Variants in UGT8 observed in about 807,000 individuals in gnomAD.
UGT8 encodes 2-hydroxyacylsphingosine 1-beta-galactosyltransferase.
A neutral mutation model predicts 40.5 loss-of-function variants in UGT8; 12 were observed. The ratio of observed to expected loss-of-function variants is 0.30; its 90% CI spans 0.19 to 0.48. The LOEUF is 0.48. UGT8 is among the 20% of genes least tolerant of loss of function. UGT8 has a pLI of 0.99. For missense variants in UGT8, 513 were observed against 648.7 expected (o/e 0.79, Z 2.27); for synonymous variants, 224 against 240.4 (o/e 0.93, Z 0.63).
intron 2 of UGT8, among the ~76,000 whole-genome samples, chr4:114,638,098 C>T (rs1443087595): frequency 6.6e-6 from 1 of 152,036 alleles, no homozygotes; most frequent in Non-Finnish European, 1.5e-5. Flanking sequence ...TTACTTAAAA[C>T]AGCAAAAAAT....
chr4:114,600,612 C>A (rs1730387573), intron 1 of UGT8, among the ~76,000 whole-genome samples: 1 of 152,136 alleles, frequency 6.6e-6, no homozygotes. Flanking sequence ...TTTCATCACT[C>A]AGTTATTAAG....
chr4:114,646,128 T>TGTC (rs1733555601), intron 2 of UGT8, among the ~76,000 whole-genome samples: 1 of 152,110 alleles, frequency 6.6e-6, no homozygotes, highest in Admixed American at 6.5e-5. Flanking sequence ...GCAAGATTTA[T>TGTC]GTCTGATATG....
At chr4:114,659,420 G>C (rs528366340) in intron 2 of UGT8, among the ~76,000 whole-genome samples, 12 of 152,164 alleles carry the variant, frequency 7.9e-5, no homozygotes, top group Admixed American at 6.5e-4. Context: ...ATAGTGAGGG[G>C]AGTGCCTATG....
intron 2 of UGT8, among the ~76,000 whole-genome samples, chr4:114,646,780 G>A (rs964202796): frequency 1.3e-5 from 2 of 152,194 alleles, no homozygotes; most frequent in Non-Finnish European, 2.9e-5. Context: ...TTTTTGATAT[G>A]CCTAGAAATG....
intron 2 of UGT8, among the ~76,000 whole-genome samples, chr4:114,642,214 C>CT (rs796675822): frequency 0.01 from 1,482 of 144,590 alleles, 15 homozygotes; most frequent in African/African-American, 0.026. Context: ...CCTTTGTTGA[C>CT]TTTTTTTTTT....
intron 2 of UGT8, among the ~76,000 whole-genome samples, chr4:114,655,078 G>A (rs201059315): frequency 7.5e-6 from 1 of 132,910 alleles, no homozygotes; most frequent in African/African-American, 2.8e-5. Flanking sequence ...TTTTTTTTTT[G>A]TAAAGTAATT....
intron 1 of UGT8, among the ~76,000 whole-genome samples, chr4:114,615,038 GA>G (rs1731320323): frequency 6.6e-6 from 1 of 152,084 alleles, no homozygotes; most frequent in Admixed American, 6.6e-5. Context: ...GCCTACAGAT[GA>G]AAGATACATG....
intron 1 of UGT8, among the ~76,000 whole-genome samples, chr4:114,601,216 C>A (rs1446643012): frequency 6.6e-6 from 1 of 152,158 alleles, no homozygotes; most frequent in South Asian, 2.1e-4. Context: ...TGGATAAAAA[C>A]TACTTTTCGT....
chr4:114,648,324 G>A (rs965558350), intron 2 of UGT8, among the ~76,000 whole-genome samples: 10 of 148,496 alleles, frequency 6.7e-5, no homozygotes, highest in Admixed American at 3.4e-4. Flanking sequence ...GAGCATGTAT[G>A]TTCAGTAGTA....
chr4:114,627,451 A>G (rs143848314), intron 2 of UGT8, among the ~76,000 whole-genome samples: 1,931 of 151,714 alleles, frequency 0.013, 31 homozygotes, highest in African/African-American at 0.035. Context: ...GTAGAGATGG[A>G]GTTTCACCGT....
intron 5 of UGT8, among the ~76,000 whole-genome samples, chr4:114,675,117 A>G (rs542827648): frequency 7.9e-5 from 12 of 152,262 alleles, no homozygotes; most frequent in African/African-American, 2.4e-4. Context: ...TATCTCTTTA[A>G]TAATATATCT....
At chr4:114,619,080 T>C (rs1454066596) in intron 1 of UGT8, among the ~76,000 whole-genome samples, 1 of 152,118 alleles carries the variant, frequency 6.6e-6, no homozygotes, top group Non-Finnish European at 1.5e-5. Context: ...AAATGTATTC[T>C]CTCTTCTTTT....
chr4:114,672,440 T>G (rs911975639), intron 5 of UGT8, among the ~76,000 whole-genome samples: 6 of 152,108 alleles, frequency 3.9e-5, no homozygotes, highest in Non-Finnish European at 8.8e-5. Context: ...AGTGATAGAC[T>G]GGATAAATAA....
At position 114,619,321 on chromosome 4, in the gene UGT8, A is replaced by C. The variant is rs368119643; in HGVS notation, c.-2-3558A>C. 1.1e-4 allele frequency: 17 copies of C among 152,066 alleles called. No individual in the cohort carries two copies. In the East Asian group the frequency reaches 1.7e-3, roughly 15 times the overall value. The allele number at this position is 152,066 out of a possible 1,614,324, so 9.4% of individuals were successfully genotyped here. The stretch of plus-strand genomic sequence containing the variant: ...CCATGTTACAGGCAACAAATATTCT[A>C]TGTTGGTAATGTAAAAGGTATATTG... On this transcript the variant is annotated intron_variant, in intron 1 of 5. Coordinates refer to ENST00000310836, the MANE Select transcript of UGT8 (RefSeq NM_001128174.3).
intron 2 of UGT8, among the ~76,000 whole-genome samples, chr4:114,654,800 G>A (rs1196764700): frequency 6.6e-6 from 1 of 152,066 alleles, no homozygotes; most frequent in Non-Finnish European, 1.5e-5. Flanking sequence ...GACCAGAGAA[G>A]TCACGAGTCA....
intron 4 of UGT8, among the ~76,000 whole-genome samples, chr4:114,666,653 A>G (rs1395864302): frequency 1.3e-5 from 2 of 152,168 alleles, no homozygotes; most frequent in Non-Finnish European, 2.9e-5. Context: ...CAACTATTTC[A>G]GTGCGACAGT....
rs1270882317 is a variant in UGT8, at chr4:114,623,237, C to T, written c.357C>T (p.Gly119=). ...CTAAGAACTGTGACCTGATGGTTGG[C>T]AACCATGCCCTGATCCAGGGTCTGA... ...HYTKNCDLMV[G]NHALIQGLKK... is the part of the protein sequence containing the mutation. The change falls in exon 2 of 6, where the codon GGC becomes GGT. Residue 119 remains glycine, a synonymous_variant. Coordinates refer to ENST00000310836, the MANE Select transcript of UGT8 (RefSeq NM_001128174.3). 1.2e-6 allele frequency: 2 copies of T among 1,614,196 alleles called. No homozygotes were observed. Among genetic ancestry groups the T allele is most frequent in the Admixed American group, 1.7e-5 (1 of 60,024 alleles).
intron 2 of UGT8, among the ~76,000 whole-genome samples, chr4:114,634,363 G>T (rs1283360041): frequency 6.6e-6 from 1 of 152,202 alleles, no homozygotes; most frequent in Non-Finnish European, 1.5e-5. Context: ...GTATTCAGTT[G>T]TGGGAGTTAC....
intron 2 of UGT8, among the ~76,000 whole-genome samples, chr4:114,645,099 A>G (rs1733485636): frequency 6.6e-6 from 1 of 152,114 alleles, no homozygotes; most frequent in Admixed American, 6.6e-5. Context: ...TTTGAGGGGG[A>G]ATTCAGGCTG....
Sources: gnomAD v4.1 joint callset for allele counts (sites outside exome capture counted in the v4.1 genomes callset) on GRCh38, gnomAD v4.1.1 for gene constraint, MANE v1.5 for transcripts, NCBI Gene and HGNC (gene_info 2026-07-23, HGNC 2026-07-21) for gene names.